LIN7A: variants seen among roughly 807,000 people sequenced by gnomAD.
The protein encoded by LIN7A is lin-7 cell polarity scaffold A.
A neutral mutation model predicts 29.8 loss-of-function variants in LIN7A; 25 were observed. That is an observed-to-expected ratio of 0.84 (90% CI 0.61 to 1.17). The LOEUF (loss-of-function observed/expected upper bound fraction) is 1.17. Among genes scored for constraint, LIN7A ranks in the 50% most tolerant of loss-of-function variants. The pLI is 0.00. For missense variants in LIN7A, 239 were observed against 287.0 expected, an observed-to-expected ratio of 0.83 and a Z score of 1.21; for synonymous variants, 118 against 107.5, an observed-to-expected ratio of 1.10 and a Z score of -0.60.
chr12:80,873,533 TA>T (rs899698752), intron 2 of LIN7A, among the ~76,000 whole-genome samples: 93 of 106,236 alleles, frequency 8.8e-4, no homozygotes, highest in Middle Eastern at 4.2e-3. Flanking sequence ...ACCCTGTCTC[TA>T]AAAAAAAAAA....
chr12:80,862,663 C>A (rs1197567753), intron 2 of LIN7A, among the ~76,000 whole-genome samples: 1 of 152,100 alleles, frequency 6.6e-6, no homozygotes, highest in Non-Finnish European at 1.5e-5. Context: ...CAGTAGATAG[C>A]ACTTCAGCAC....
At chr12:80,831,692 T>G (rs147993346) in intron 4 of LIN7A, among the ~76,000 whole-genome samples, 66 of 152,302 alleles carry the variant, frequency 4.3e-4, no homozygotes, top group African/African-American at 1.5e-3. Flanking sequence ...ACCAACATCA[T>G]ACAACTTTGC....
chr12:80,932,288 G>C (rs962701864), intron 1 of LIN7A, among the ~76,000 whole-genome samples: 3 of 152,174 alleles, frequency 2.0e-5, no homozygotes, highest in Admixed American at 2.0e-4. Context: ...CCATAAGGTT[G>C]AAATCCACAA....
At chr12:80,816,257 T>C (rs1871525894) in intron 4 of LIN7A, among the ~76,000 whole-genome samples, 1 of 152,026 alleles carries the variant, frequency 6.6e-6, no homozygotes, top group Admixed American at 6.6e-5. Flanking sequence ...ATTTTTATTT[T>C]TTAAATAGCT....
chr12:80,874,152 A>G (rs1156361098), intron 2 of LIN7A, among the ~76,000 whole-genome samples: 1 of 152,198 alleles, frequency 6.6e-6, no homozygotes, highest in Non-Finnish European at 1.5e-5. Context: ...CAACCATGGG[A>G]AAAACAAGGT....
At chr12:80,875,769 AT>A (rs1356012851) in intron 2 of LIN7A, among the ~76,000 whole-genome samples, 1 of 152,174 alleles carries the variant, frequency 6.6e-6, no homozygotes, top group Non-Finnish European at 1.5e-5. Flanking sequence ...CTAGGTACTA[AT>A]TTTCTGTTAT....
chr12:80,913,970 C>T (rs185456067), intron 1 of LIN7A, among the ~76,000 whole-genome samples: 1 of 152,306 alleles, frequency 6.6e-6, no homozygotes, highest in East Asian at 1.9e-4. Flanking sequence ...CCCAATTTAT[C>T]CTTGGTTGTT....
At chr12:80,921,243 T>C (rs972717360) in intron 1 of LIN7A, among the ~76,000 whole-genome samples, 6 of 152,002 alleles carry the variant, frequency 3.9e-5, no homozygotes, top group African/African-American at 1.2e-4. Flanking sequence ...TGCTGGTACC[T>C]TGATTTTGGA....
intron 2 of LIN7A, among the ~76,000 whole-genome samples, chr12:80,854,598 G>A (rs1216957374): frequency 6.6e-6 from 1 of 151,930 alleles, no homozygotes; most frequent in African/African-American, 2.4e-5. Flanking sequence ...GAGGCTAAGG[G>A]TGGGGACCAA....
rs1396373454 is a variant in LIN7A at position 80,794,589 on chromosome 12, T to G, written c.*3138A>C. On this transcript the variant is annotated 3_prime_UTR_variant, in exon 6 of 6. Transcript: ENST00000552864. ...TCAGTTTGATGTCACAGTTGAAAAC[T>G]GCATTTGTAAATCTGTGTAATCCAT... 6.6e-6 allele frequency: 1 copy of G among 152,160 alleles called. No individual in the cohort carries two copies. Among genetic ancestry groups the G allele is most frequent in the Non-Finnish European group, 1.5e-5 (1 of 68,014 alleles). The allele number at this position is 152,160 out of a possible 1,614,324, so 9.4% of individuals were successfully genotyped here. A position where few individuals can be genotyped will look rare whatever the true frequency, so the allele number is the denominator to read the frequency against.
At chr12:80,828,712 C>T (rs371561232) in intron 4 of LIN7A, among the ~76,000 whole-genome samples, 2 of 152,104 alleles carry the variant, frequency 1.3e-5, no homozygotes, top group African/African-American at 4.8e-5. Context: ...GGTAACAAAT[C>T]ATTGTCTGGA....
chr12:80,867,561 T>A (rs1346207414), intron 2 of LIN7A, among the ~76,000 whole-genome samples: 3 of 152,162 alleles, frequency 2.0e-5, no homozygotes, highest in African/African-American at 7.2e-5. Flanking sequence ...TTTCATGATC[T>A]AACAGATAGC....
At chr12:80,890,776 A>G (rs75866159) in intron 1 of LIN7A, among the ~76,000 whole-genome samples, 2 of 152,106 alleles carry the variant, frequency 1.3e-5, no homozygotes, top group Admixed American at 6.6e-5. Context: ...TCCGTAATCA[A>G]TAAGGTACCA....
chr12:80,841,371 G>T (rs555774696), intron 4 of LIN7A, among the ~76,000 whole-genome samples: 1 of 142,178 alleles, frequency 7.0e-6, no homozygotes, highest in African/African-American at 2.8e-5. Context: ...AAGGAAGGAA[G>T]GAAGGAAGGA....
intron 2 of LIN7A, among the ~76,000 whole-genome samples, chr12:80,860,578 G>C (rs150727648): frequency 6.6e-6 from 1 of 152,174 alleles, no homozygotes; most frequent in East Asian, 1.9e-4. Context: ...GTTAATTCAG[G>C]GTGGTGAATG....
At chr12:80,861,934 T>C (rs776264478) in intron 2 of LIN7A, among the ~76,000 whole-genome samples, 2 of 152,258 alleles carry the variant, frequency 1.3e-5, no homozygotes, top group Non-Finnish European at 2.9e-5. Context: ...CTTAAAATAT[T>C]GTGAACACTT....
intron 4 of LIN7A, among the ~76,000 whole-genome samples, chr12:80,828,122 A>G (rs1028591482): frequency 2.0e-5 from 3 of 152,236 alleles, no homozygotes; most frequent in Non-Finnish European, 4.4e-5. Context: ...TTATATCTTC[A>G]TAAAACATAG....
At chr12:80,908,366 A>G (rs538310977) in intron 1 of LIN7A, among the ~76,000 whole-genome samples, 1 of 152,216 alleles carries the variant, frequency 6.6e-6, no homozygotes, top group African/African-American at 2.4e-5. Context: ...TGTATAAGTA[A>G]TACGAGTTAT....
At chr12:80,934,869 T>C (rs1565936385) in intron 1 of LIN7A, among the ~76,000 whole-genome samples, 1 of 152,284 alleles carries the variant, frequency 6.6e-6, no homozygotes, top group East Asian at 1.9e-4. Context: ...CTTCCCTTCC[T>C]CTCCTTTGCC....
Sources: allele counts gnomAD v4.1 joint callset (sites outside exome capture counted in the v4.1 genomes callset), GRCh38; gene constraint gnomAD v4.1.1; transcripts MANE v1.5; gene names NCBI Gene and HGNC (gene_info 2026-07-23, HGNC 2026-07-21).